Variants in USH2A observed in about 807,000 individuals in gnomAD.
USH2A encodes Usher syndrome 2A (autosomal recessive, mild).
A neutral mutation model predicts 538.9 loss-of-function variants in USH2A; 443 were observed. That is an observed-to-expected ratio of 0.82 (90% CI 0.76 to 0.89). USH2A has a LOEUF of 0.89. USH2A is among the 40% of genes least tolerant of loss of function. The pLI, the probability that USH2A is intolerant of heterozygous loss-of-function variation, is 0.00. For missense variants in USH2A, 6,633 were observed against 6,324.8 expected (o/e 1.05, Z -1.65); for synonymous variants, 2,413 against 2,273.5 (o/e 1.06, Z -1.75).
chr1:215,972,060 C>T (rs558160637), intron 35 of USH2A, among the ~76,000 whole-genome samples: 4 of 152,252 alleles, frequency 2.6e-5, no homozygotes, highest in South Asian at 2.1e-4. Context: ...ATCTGACGTC[C>T]GCCCCAGCTA....
intron 21 of USH2A, among the ~76,000 whole-genome samples, chr1:216,105,338 T>A (rs12751218): frequency 6.6e-6 from 1 of 151,576 alleles, no homozygotes; most frequent in Non-Finnish European, 1.5e-5. Flanking sequence ...ATGCATGATG[T>A]GAGATAGGGG....
chr1:215,718,049 T>C (rs1240721687), intron 61 of USH2A, among the ~76,000 whole-genome samples: 1 of 152,198 alleles, frequency 6.6e-6, no homozygotes, highest in East Asian at 1.9e-4. Flanking sequence ...AGATAGAAGA[T>C]AGTTGCCATT....
intron 21 of USH2A, among the ~76,000 whole-genome samples, chr1:216,166,102 G>A (rs568194687): frequency 6.6e-6 from 1 of 152,202 alleles, no homozygotes; most frequent in East Asian, 1.9e-4. Context: ...TTCTATAGTA[G>A]TACATAAGAG....
chr1:216,371,501 C>G (rs1209718372), intron 3 of USH2A, among the ~76,000 whole-genome samples: 1 of 152,166 alleles, frequency 6.6e-6, no homozygotes, highest in African/African-American at 2.4e-5. Context: ...TGACTATTAA[C>G]TAAAATACTG....
intron 3 of USH2A, among the ~76,000 whole-genome samples, chr1:216,390,839 C>T (rs1448083716): frequency 1.3e-5 from 2 of 152,110 alleles, no homozygotes; most frequent in Non-Finnish European, 2.9e-5. Flanking sequence ...ATCAATAAGA[C>T]TCCTTAAAAT....
At chr1:215,828,229 G>A (rs1663209984) in intron 47 of USH2A, among the ~76,000 whole-genome samples, 1 of 152,206 alleles carries the variant, frequency 6.6e-6, no homozygotes, top group East Asian at 1.9e-4. Context: ...GCGGGAGGAT[G>A]ACTTGAGCCC....
chr1:216,024,757 T>C (rs933128210), intron 32 of USH2A, among the ~76,000 whole-genome samples: 16 of 151,996 alleles, frequency 1.1e-4, no homozygotes, highest in African/African-American at 3.6e-4. Context: ...GCGAGATGTG[T>C]ACAAGATAAT....
Position 215,766,789 on chromosome 1 carries a change from C to G in USH2A, c.10940-1G>C. On this transcript the variant is annotated splice_acceptor_variant, in intron 55 of 71. Coordinates refer to ENST00000307340, the MANE Select transcript of USH2A (RefSeq NM_206933.4). LOFTEE classifies it high-confidence loss of function. ...CTGTAGTTGGTGTATGGCTGGAGAC[C>G]TAGAAAAAGCAAGCAAGAAATAAAG... 6.2e-7 allele frequency: 1 copy of G among 1,612,866 alleles called. No individual in the cohort carries two copies. The highest frequency in any genetic ancestry group is 8.5e-7 in the Non-Finnish European group (1 of 1,179,142).
At chr1:215,967,112 G>GA (rs1220331325) in intron 36 of USH2A, among the ~76,000 whole-genome samples, 4 of 152,142 alleles carry the variant, frequency 2.6e-5, no homozygotes, top group African/African-American at 9.7e-5. Flanking sequence ...TCTTGACACA[G>GA]AAAAAATATT....
intron 67 of USH2A, among the ~76,000 whole-genome samples, chr1:215,642,986 A>G (rs1404336956): frequency 6.6e-6 from 1 of 152,092 alleles, no homozygotes; most frequent in Non-Finnish European, 1.5e-5. Context: ...TGCATATTCT[A>G]TTTTTAAATT....
At chr1:215,636,055 G>A (rs756902778) in intron 69 of USH2A, among the ~76,000 whole-genome samples, 18 of 152,228 alleles carry the variant, frequency 1.2e-4, no homozygotes, top group Non-Finnish European at 2.1e-4. Context: ...CTGATGCAGC[G>A]GCCACACAGG....
intron 13 of USH2A, among the ~76,000 whole-genome samples, chr1:216,239,914 G>A (rs2035901727): frequency 6.9e-6 from 1 of 144,896 alleles, no homozygotes; most frequent in Non-Finnish European, 1.5e-5. Context: ...GATTTGGTCT[G>A]AAAAGATTAA....
intron 37 of USH2A, among the ~76,000 whole-genome samples, chr1:215,948,443 T>TATATACACACAC (rs749886577): frequency 1.4e-5 from 2 of 147,172 alleles, no homozygotes; most frequent in East Asian, 4.0e-4. Context: ...TATATATATA[T>TATATACACACAC]ACACACACAC....
chr1:216,046,389 AT>A, intron 32 of USH2A, 41 bp downstream of exon 32: 1 of 1,611,182 alleles, frequency 6.2e-7, no homozygotes, highest in Non-Finnish European at 8.5e-7. Context: ...TTATATTTGA[AT>A]ATAGACTATA....
At chr1:216,189,328 A>T (rs2034670254) in intron 20 of USH2A, among the ~76,000 whole-genome samples, 1 of 151,898 alleles carries the variant, frequency 6.6e-6, no homozygotes, top group Non-Finnish European at 1.5e-5. Context: ...TTTGGGGAGG[A>T]GGTCTAGGAA....
chr1:216,313,290 A>C (rs1217028176), intron 9 of USH2A, among the ~76,000 whole-genome samples: 1 of 152,162 alleles, frequency 6.6e-6, no homozygotes, highest in Non-Finnish European at 1.5e-5. Context: ...TAGACCACAG[A>C]CCACTACTGA....
At chr1:215,919,476 G>A (rs1466658666) in intron 38 of USH2A, among the ~76,000 whole-genome samples, 1 of 151,894 alleles carries the variant, frequency 6.6e-6, no homozygotes, top group African/African-American at 2.4e-5. Flanking sequence ...GTAGGAGGGG[G>A]GAAATTAAGA....
chr1:216,246,089 T>G (rs1303709210), intron 13 of USH2A, among the ~76,000 whole-genome samples: 1 of 152,220 alleles, frequency 6.6e-6, no homozygotes, highest in African/African-American at 2.4e-5. Context: ...AACAGTGGCC[T>G]ATTTTATTAA....
chr1:215,847,096 A>G (rs1201026138), intron 44 of USH2A, among the ~76,000 whole-genome samples: 2 of 152,176 alleles, frequency 1.3e-5, no homozygotes, highest in Non-Finnish European at 2.9e-5. Flanking sequence ...TTCAAAGACC[A>G]GTCTATTATT....
Sources: gnomAD v4.1 joint callset for allele counts (sites outside exome capture counted in the v4.1 genomes callset) on GRCh38, gnomAD v4.1.1 for gene constraint, MANE v1.5 for transcripts, NCBI Gene and HGNC (gene_info 2026-07-23, HGNC 2026-07-21) for gene names.